The following SOS1 variants were observed in gnomAD, a reference collection of about 807,000 sequenced individuals.
SOS1 encodes SOS Ras/Rac guanine nucleotide exchange factor 1, also known as son of sevenless homolog 1.
SOS1 carries 25 observed loss-of-function variants against 157.6 expected under a neutral mutation model. The ratio of observed to expected loss-of-function variants is 0.16; its 90% CI spans 0.12 to 0.22. The LOEUF (loss-of-function observed/expected upper bound fraction) is 0.22. Ranked by LOEUF, SOS1 falls within the 10% of genes least tolerant of loss-of-function variation. The probability of loss-of-function intolerance (pLI) is 1.00; values close to 1 mark genes in which losing one functional copy is unlikely to be tolerated. For synonymous variants in SOS1, 528 were observed against 534.0 expected (o/e 0.99, Z 0.16); for missense variants, 1,237 against 1,599.1 (o/e 0.77, Z 3.86).
At chr2:39,123,857 T>TC (rs1193094738), upstream of SOS1, among the ~76,000 whole-genome samples, 9 of 152,264 alleles carry the variant, frequency 5.9e-5, no homozygotes, top group African/African-American at 2.2e-4. Flanking sequence ...AAGCGTACAT[T>TC]CACTCACTCG....
Position 39,118,228 on chromosome 2 carries a change from A to C in SOS1, c.87+2108T>G, listed in dbSNP as rs544977371. 3.3e-5 allele frequency among the ~76,000 whole-genome samples: 5 copies of C among 152,362 alleles called. No individual in the cohort carries two copies. In the East Asian group the frequency reaches 9.6e-4, roughly 29 times the overall value. On this transcript the variant is annotated intron_variant, in intron 1 of 22. Transcript: ENST00000402219. The stretch of plus-strand genomic sequence containing the variant: ...TGTTGGACCAGGCAAAGAAGGATGA[A>C]GGGACTAGCATATCCAAAGAGCCTC...
intron 17 of SOS1, among the ~76,000 whole-genome samples, chr2:39,000,187 G>C (rs1277702768): frequency 6.6e-6 from 1 of 152,146 alleles, no homozygotes; most frequent in Non-Finnish European, 1.5e-5. Context: ...TAGCACTTTG[G>C]TACAGTTTGG....
intron 1 of SOS1, among the ~76,000 whole-genome samples, chr2:39,071,188 G>A (rs929294462): frequency 2.0e-5 from 3 of 152,086 alleles, no homozygotes; most frequent in African/African-American, 4.8e-5. Flanking sequence ...TTTAGATGAT[G>A]AGAAAGAAAA....
chr2:39,112,110 T>C (rs951629640), intron 1 of SOS1, among the ~76,000 whole-genome samples: 1 of 152,162 alleles, frequency 6.6e-6, no homozygotes. Flanking sequence ...GGAGCCCTAA[T>C]TTTTCTTCCA....
intron 13 of SOS1, among the ~76,000 whole-genome samples, chr2:39,012,575 T>C (rs964745979): frequency 2.0e-5 from 3 of 152,304 alleles, no homozygotes; most frequent in Middle Eastern, 3.4e-3. Flanking sequence ...TGGTATGTAT[T>C]CTTCCAGATC....
chr2:39,103,748 ATCT>A (rs1229555465), intron 1 of SOS1, among the ~76,000 whole-genome samples: 2 of 152,268 alleles, frequency 1.3e-5, no homozygotes, highest in Non-Finnish European at 2.9e-5. Flanking sequence ...AATTCTTAAG[ATCT>A]GACACAAAAA....
intron 10 of SOS1, among the ~76,000 whole-genome samples, chr2:39,018,376 C>T (rs1458920183): frequency 6.6e-6 from 1 of 151,784 alleles, no homozygotes; most frequent in Non-Finnish European, 1.5e-5. Flanking sequence ...AATCCCTACG[C>T]TAAGGTTTCC....
chr2:39,112,898 G>A (rs979083396), intron 1 of SOS1, among the ~76,000 whole-genome samples: 9 of 152,012 alleles, frequency 5.9e-5, no homozygotes, highest in African/African-American at 1.2e-4. Flanking sequence ...GATTAGCTGC[G>A]TGTGATGGAG....
At chr2:38,998,605 T>C (rs776126060) in intron 17 of SOS1, among the ~76,000 whole-genome samples, 2 of 152,114 alleles carry the variant, frequency 1.3e-5, no homozygotes, top group Non-Finnish European at 2.9e-5. Context: ...CCTCAGTTTT[T>C]CTCATCTGTA....
chr2:39,103,903 T>C (rs1673067172), intron 1 of SOS1, among the ~76,000 whole-genome samples: 1 of 152,228 alleles, frequency 6.6e-6, no homozygotes, highest in African/African-American at 2.4e-5. Context: ...GCAAATCATA[T>C]ATTGGATAAA....
intron 8 of SOS1, among the ~76,000 whole-genome samples, chr2:39,032,284 C>G (rs539441543): frequency 6.6e-6 from 1 of 152,152 alleles, no homozygotes; most frequent in Admixed American, 6.5e-5. Flanking sequence ...TCTCCCTACT[C>G]CCCTACCCTC....
chr2:38,992,594 A>C (rs1383235030), intron 20 of SOS1: 2 of 152,226 alleles, frequency 1.3e-5, no homozygotes, highest in Non-Finnish European at 2.9e-5. Flanking sequence ...CTAGTAGAGA[A>C]CTTAATATGC....
rs1668425478 is a variant in SOS1, at chr2:38,982,347, A to G, written c.*3477T>C. Reference sequence around the variant, plus strand: ...CAAAATATTTCATTGGCTCATGTATAAGGGATTATGAAATAATCTTAAAAG... The same window carrying G: ...CAAAATATTTCATTGGCTCATGTATGAGGGATTATGAAATAATCTTAAAAG... On this transcript the variant is annotated 3_prime_UTR_variant, in exon 23 of 23. Transcript: ENST00000402219. The G allele has an allele frequency of 6.6e-6, 1 of 152,188 alleles. No homozygotes were observed. The highest frequency in any genetic ancestry group is 6.5e-5 in the Admixed American group (1 of 15,270). The allele number at this position is 152,188 out of a possible 1,614,324, so 9.4% of individuals were successfully genotyped here.
At chr2:39,095,823 T>C (rs1672749268) in intron 1 of SOS1, among the ~76,000 whole-genome samples, 1 of 152,204 alleles carries the variant, frequency 6.6e-6, no homozygotes, top group Non-Finnish European at 1.5e-5. Context: ...ATGGTTGAGA[T>C]AGACTGTTGG....
At chr2:39,075,127 A>T (rs1041476110) in intron 1 of SOS1, among the ~76,000 whole-genome samples, 4 of 152,176 alleles carry the variant, frequency 2.6e-5, no homozygotes, top group Non-Finnish European at 4.4e-5. Flanking sequence ...ATGAGGTTGA[A>T]GGAAGCAAAA....
intron 1 of SOS1, among the ~76,000 whole-genome samples, chr2:39,104,439 T>C (rs1039567135): frequency 2.6e-5 from 4 of 152,082 alleles, no homozygotes; most frequent in Non-Finnish European, 5.9e-5. Context: ...TAAGATGGGA[T>C]AAGAAAAGAA....
intron 1 of SOS1, among the ~76,000 whole-genome samples, chr2:39,076,743 A>C (rs1023383978): frequency 4.6e-5 from 7 of 152,192 alleles, no homozygotes; most frequent in Admixed American, 6.5e-5. Context: ...AGACAAGGAT[A>C]CCTACTATCA....
At chr2:39,104,777 T>G (rs144454561) in intron 1 of SOS1, among the ~76,000 whole-genome samples, 2 of 152,214 alleles carry the variant, frequency 1.3e-5, no homozygotes, top group African/African-American at 4.8e-5. Flanking sequence ...CAGATGAACC[T>G]TGAAAATATT....
intron 8 of SOS1, among the ~76,000 whole-genome samples, chr2:39,027,564 A>G (rs753723006): frequency 3.3e-5 from 5 of 152,204 alleles, no homozygotes; most frequent in Non-Finnish European, 7.4e-5. Flanking sequence ...GCTAACTACC[A>G]TCAAAAGGGT....
Sources: allele counts gnomAD v4.1 joint callset (sites outside exome capture counted in the v4.1 genomes callset), GRCh38; gene constraint gnomAD v4.1.1; transcripts MANE v1.5; gene names NCBI Gene and HGNC (gene_info 2026-07-23, HGNC 2026-07-21).